Variants in GPR160 observed in about 807,000 individuals in gnomAD.
GPR160 encodes the protein G protein-coupled receptor 160.
GPR160 carries 2 observed loss-of-function variants against 2.6 expected under a neutral mutation model. The ratio of observed to expected loss-of-function variants is 0.77; its 90% confidence interval spans 0.32 to 2.44. The LOEUF (loss-of-function observed/expected upper bound fraction) is 2.44. Ranked by LOEUF, GPR160 falls within the 30% of genes most tolerant of loss-of-function variation. The probability of loss-of-function intolerance (pLI) is 0.11; values close to 1 mark genes in which losing one functional copy is unlikely to be tolerated. For missense variants in GPR160, 351 were observed against 383.6 expected (o/e 0.91, Z 0.71); for synonymous variants, 130 against 132.2 (o/e 0.98, Z 0.12).
At chr3:170,054,108 T>C (rs1711523347) in intron 2 of GPR160, among the ~76,000 whole-genome samples, 1 of 151,692 alleles carries the variant, frequency 6.6e-6, no homozygotes, top group Non-Finnish European at 1.5e-5. Context: ...TGTGTGTGTG[T>C]GTGTGTATGT....
At chr3:170,058,535 A>G (rs973226182) in intron 2 of GPR160, among the ~76,000 whole-genome samples, 4 of 152,260 alleles carry the variant, frequency 2.6e-5, no homozygotes, top group Admixed American at 6.5e-5. Flanking sequence ...CATCAGCAAT[A>G]GAATTGAAAA....
At chr3:170,072,587 A>AAGCTTCCAGTCATGGTGGG (rs1712654580) in intron 2 of GPR160, among the ~76,000 whole-genome samples, 1 of 152,174 alleles carries the variant, frequency 6.6e-6, no homozygotes, top group African/African-American at 2.4e-5. Context: ...AGGCCTCAGG[A>AAGCTTCCAGTCATGGTGGG]AGCTTCCAGT....
chr3:170,040,528 A>G (rs1716403162), intron 2 of GPR160, among the ~76,000 whole-genome samples: 1 of 152,198 alleles, frequency 6.6e-6, no homozygotes, highest in Non-Finnish European at 1.5e-5. Context: ...GGTGGAGGCT[A>G]GGTCAGCTTT....
At chr3:170,068,037 G>C (rs1008039054) in intron 2 of GPR160, among the ~76,000 whole-genome samples, 1 of 152,310 alleles carries the variant, frequency 6.6e-6, no homozygotes, top group East Asian at 1.9e-4. Context: ...GGTAGGTACA[G>C]GTGCTAAAAT....
chr3:170,045,461 G>T (rs942223532), intron 2 of GPR160, among the ~76,000 whole-genome samples: 7 of 139,882 alleles, frequency 5.0e-5, no homozygotes, highest in African/African-American at 1.1e-4. Flanking sequence ...ATTAGCCAGG[G>T]GTGGTGGCAC....
chr3:170,061,481 C>T (rs559796952), intron 2 of GPR160, among the ~76,000 whole-genome samples: 5 of 151,382 alleles, frequency 3.3e-5, no homozygotes, highest in Non-Finnish European at 5.9e-5. Flanking sequence ...ATTTATGGGA[C>T]AGTTTTAATT....
intron 2 of GPR160, chr3:170,062,593 A>T: frequency 8.6e-7 from 1 of 1,165,450 alleles, no homozygotes; most frequent in Non-Finnish European, 1.3e-6. Flanking sequence ...CAAACCAAAA[A>T]TGTGAAGCAG....
At chr3:170,040,920 A>G (rs1476189168) in intron 2 of GPR160, among the ~76,000 whole-genome samples, 6 of 152,046 alleles carry the variant, frequency 3.9e-5, no homozygotes, top group Admixed American at 3.3e-4. Flanking sequence ...GTGGTAACAC[A>G]TTTTTTTTAA....
At chr3:170,054,185 A>G (rs1201317548) in intron 2 of GPR160, among the ~76,000 whole-genome samples, 1 of 151,488 alleles carries the variant, frequency 6.6e-6, no homozygotes, top group South Asian at 2.1e-4. Context: ...TCTCATCATT[A>G]TTAGTCTCAT....
chr3:170,058,737 A>ATATG (rs1489685733), intron 2 of GPR160, among the ~76,000 whole-genome samples: 1 of 152,194 alleles, frequency 6.6e-6, no homozygotes, highest in East Asian at 1.9e-4. Context: ...ATAGCAAAGA[A>ATATG]TATGTACAGA....
At chr3:170,050,580 T>G (rs1199456767) in intron 2 of GPR160, among the ~76,000 whole-genome samples, 1 of 152,146 alleles carries the variant, frequency 6.6e-6, no homozygotes, top group South Asian at 2.1e-4. Flanking sequence ...CTAATTTTTT[T>G]GTTGGTCAGG....
intron 2 of GPR160, among the ~76,000 whole-genome samples, chr3:170,056,710 C>A (rs769031873): frequency 6.6e-6 from 1 of 152,130 alleles, no homozygotes; most frequent in Non-Finnish European, 1.5e-5. Flanking sequence ...TAATGGGGTA[C>A]CGTATTTATA....
chr3:170,046,643 G>A (rs1329081959), intron 2 of GPR160, among the ~76,000 whole-genome samples: 1 of 152,190 alleles, frequency 6.6e-6, no homozygotes, highest in Non-Finnish European at 1.5e-5. Context: ...GATACATTGA[G>A]AGGCTTACTT....
At chr3:170,083,749 T>A (rs7638448) in intron 3 of GPR160, among the ~76,000 whole-genome samples, 156 bp from the exon 4 acceptor site, 69,903 of 152,068 alleles carry the variant, frequency 0.46, 16,397 homozygotes, top group East Asian at 0.69. Flanking sequence ...CACATTAATT[T>A]TGTTCTGTAT....
chr3:170,081,424 G>T (rs964274068), intron 3 of GPR160, among the ~76,000 whole-genome samples: 1 of 152,148 alleles, frequency 6.6e-6, no homozygotes, highest in African/African-American at 2.4e-5. Context: ...GTCTTTTATA[G>T]TTATGAAAAT....
chr3:170,051,556 C>A (rs1263058812), intron 2 of GPR160, among the ~76,000 whole-genome samples: 1 of 152,090 alleles, frequency 6.6e-6, no homozygotes, highest in Admixed American at 6.6e-5. Context: ...GAAACCCCGC[C>A]TCTACTAAAA....
At chr3:170,039,402 G>A (rs1052336827) in intron 2 of GPR160, among the ~76,000 whole-genome samples, 1 of 152,132 alleles carries the variant, frequency 6.6e-6, no homozygotes, top group Non-Finnish European at 1.5e-5. Context: ...CTGATTTGAT[G>A]AATGTTTTTT....
chr3:170,066,938 A>G (rs1196205132), intron 2 of GPR160, among the ~76,000 whole-genome samples: 1 of 152,196 alleles, frequency 6.6e-6, no homozygotes, highest in East Asian at 1.9e-4. Flanking sequence ...TGTGTGGACA[A>G]ATTTTGGGGT....
chr3:170,052,122 C>T (rs1716982615), intron 2 of GPR160, among the ~76,000 whole-genome samples: 1 of 152,226 alleles, frequency 6.6e-6, no homozygotes, highest in African/African-American at 2.4e-5. Flanking sequence ...GACGTGGTTT[C>T]ACCATGTCGA....
Sources: allele counts gnomAD v4.1 joint callset (sites outside exome capture counted in the v4.1 genomes callset), GRCh38; gene constraint gnomAD v4.1.1; transcripts MANE v1.5; gene names NCBI Gene and HGNC (gene_info 2026-07-23, HGNC 2026-07-21).